The following ANKRD17 variants were observed in gnomAD, a reference collection of about 807,000 sequenced individuals.
ANKRD17 encodes ankyrin repeat domain-containing protein 17.
A neutral mutation model predicts 229.7 loss-of-function variants in ANKRD17; 19 were observed. The observed-to-expected ratio is 0.08, with a 90% CI of 0.06 to 0.12. The LOEUF (loss-of-function observed/expected upper bound fraction) is 0.12. ANKRD17 is among the 10% of genes least tolerant of loss of function. The pLI is 1.00. For synonymous variants in ANKRD17, 1,112 were observed against 1,146.1 expected (o/e 0.97, Z 0.60); for missense variants, 2,176 against 3,176.8 (o/e 0.68, Z 7.57).
At chr4:73,200,580 T>C (rs545463510) in intron 1 of ANKRD17, among the ~76,000 whole-genome samples, 1 of 151,982 alleles carries the variant, frequency 6.6e-6, no homozygotes, top group South Asian at 2.1e-4. Flanking sequence ...GCTTAAAAGA[T>C]TAAAATTAAT....
intron 13 of ANKRD17, 51 bp from the exon 14 acceptor site, chr4:73,141,894 G>A: frequency 7.4e-7 from 1 of 1,345,166 alleles, no homozygotes; most frequent in African/African-American, 1.5e-5. Flanking sequence ...AATCCATTAA[G>A]TAATATGCTC....
chr4:73,258,419 TG>T lies in ANKRD17; in HGVS notation c.249del (p.Ser84AlafsTer84). 1 of 1,610,104 alleles carries T rather than the reference TG, an allele frequency of 6.2e-7. No individual in the cohort carries two copies. On this transcript the variant is annotated frameshift_variant, in exon 1 of 34. Coordinates refer to ENST00000358602, the MANE Select transcript of ANKRD17 (RefSeq NM_032217.5). LOFTEE classifies it high-confidence loss of function. ...KAKRNRTCRPPSSSESSSDSD... is the reference protein window; with the variant it reads ...KAKRNRTCRPXSSSESSSDSD... ...CTGTCGCTGCTGCTTTCGCTGCTGC[TG>T]GGGGGTCGGCAAGTCCGGTTACGCT...
intron 1 of ANKRD17, among the ~76,000 whole-genome samples, chr4:73,240,406 C>T (rs1743907731): frequency 6.6e-6 from 1 of 151,120 alleles, no homozygotes; most frequent in Admixed American, 6.6e-5. Flanking sequence ...GGAGGATCAC[C>T]TGAGCCCAGG....
At chr4:73,257,027 T>C (rs72663030) in intron 1 of ANKRD17, among the ~76,000 whole-genome samples, 5,921 of 152,334 alleles carry the variant, frequency 0.039, 156 homozygotes, top group Non-Finnish European at 0.062. Context: ...ATTCCAATTT[T>C]CGGAAAACCA....
intron 24 of ANKRD17, among the ~76,000 whole-genome samples, chr4:73,106,977 T>C (rs563262455): frequency 6.7e-6 from 1 of 150,046 alleles, no homozygotes; most frequent in East Asian, 2.0e-4. Context: ...CACAGATATG[T>C]ATACAGGTAG....
At chr4:73,168,711 C>T (rs144141611) in intron 2 of ANKRD17, among the ~76,000 whole-genome samples, 1 of 152,350 alleles carries the variant, frequency 6.6e-6, no homozygotes, top group East Asian at 1.9e-4. Flanking sequence ...CCCCTGGCCA[C>T]AGCATTGTCA....
intron 28 of ANKRD17, among the ~76,000 whole-genome samples, chr4:73,092,611 A>G (rs1350589224): frequency 6.6e-6 from 1 of 152,220 alleles, no homozygotes; most frequent in Non-Finnish European, 1.5e-5. Context: ...TTCCTACTGT[A>G]AAATACACTA....
chr4:73,131,895 A>C (rs879390264), intron 16 of ANKRD17, among the ~76,000 whole-genome samples: 1 of 152,202 alleles, frequency 6.6e-6, no homozygotes, highest in African/African-American at 2.4e-5. Context: ...AGAATGTTTA[A>C]TCTTTCAGAA....
At chr4:73,228,006 G>A (rs903357020) in intron 1 of ANKRD17, among the ~76,000 whole-genome samples, 2 of 151,852 alleles carry the variant, frequency 1.3e-5, no homozygotes, top group African/African-American at 4.8e-5. Context: ...GACAACTGGT[G>A]GTAGGAAAAA....
chr4:73,229,568 A>G (rs1244502047), intron 1 of ANKRD17, among the ~76,000 whole-genome samples: 1 of 151,824 alleles, frequency 6.6e-6, no homozygotes, highest in Admixed American at 6.6e-5. Context: ...AAAAAAACAC[A>G]TAAATTCTCC....
intron 2 of ANKRD17, among the ~76,000 whole-genome samples, chr4:73,172,314 T>C (rs547164124): frequency 1.3e-4 from 20 of 152,282 alleles, no homozygotes; most frequent in Admixed American, 1.1e-3. Context: ...TAATAGTACA[T>C]CTGGCAAATA....
intron 17 of ANKRD17, 39 bp downstream of exon 17, chr4:73,125,162 G>A: frequency 6.3e-7 from 1 of 1,588,092 alleles, no homozygotes. Context: ...TAAATTTTTT[G>A]ACCAGTATTC....
At chr4:73,138,671 T>C (rs904106233) in intron 15 of ANKRD17, among the ~76,000 whole-genome samples, 6 of 150,308 alleles carry the variant, frequency 4.0e-5, no homozygotes, top group Admixed American at 2.6e-4. Flanking sequence ...TTTTCTGTTT[T>C]CCTTCCTTTT....
At chr4:73,243,935 G>A (rs1049705962) in intron 1 of ANKRD17, among the ~76,000 whole-genome samples, 7 of 152,090 alleles carry the variant, frequency 4.6e-5, no homozygotes, top group African/African-American at 1.7e-4. Context: ...CCATAGACTG[G>A]GTAGTTTAAA....
chr4:73,174,596 G>A (rs1419223356), intron 2 of ANKRD17, among the ~76,000 whole-genome samples: 1 of 152,060 alleles, frequency 6.6e-6, no homozygotes, highest in Non-Finnish European at 1.5e-5. Context: ...AATCAGACAA[G>A]AGAAACAGAC....
chr4:73,229,530 T>G (rs1164419283), intron 1 of ANKRD17, among the ~76,000 whole-genome samples: 2 of 151,080 alleles, frequency 1.3e-5, no homozygotes, highest in African/African-American at 2.4e-5. Flanking sequence ...TCATCTAACT[T>G]CAAAAAAAAT....
At chr4:73,232,351 C>A (rs200923758) in intron 1 of ANKRD17, among the ~76,000 whole-genome samples, 2 of 152,158 alleles carry the variant, frequency 1.3e-5, no homozygotes, top group Non-Finnish European at 2.9e-5. Context: ...CTTAGTCCAT[C>A]GGATAAAATG....
Position 73,250,589 on chromosome 4 carries a change from C to CAAAAAAAAAAAAAAAAAAAA in ANKRD17, c.393+7667_393+7686dup, listed in dbSNP as rs35160047. On this transcript the variant is annotated intron_variant, in intron 1 of 33. Coordinates refer to ENST00000358602, the MANE Select transcript of ANKRD17 (RefSeq NM_032217.5). ...CACTCCAGCATAGATGACCTTGTCTCAAAAAAAAAAAAAAAAAAAAAAAAA... is the reference window on the plus strand; with the variant it reads ...CACTCCAGCATAGATGACCTTGTCTCAAAAAAAAAAAAAAAAAAAAAAAAAAAAAAAAAAAAAAAAAAAAA... Among the ~76,000 whole-genome samples, 35 of 29,410 alleles carry CAAAAAAAAAAAAAAAAAAAA rather than the reference C, an allele frequency of 1.2e-3. 2 individuals are homozygous for CAAAAAAAAAAAAAAAAAAAA. The highest frequency in any genetic ancestry group is 3.9e-3 in the African/African-American group (23 of 5,942). The allele number at this position is 29,410 out of a possible 152,430, so 19.3% of individuals were successfully genotyped here. A position where few individuals can be genotyped will look rare whatever the true frequency, so the allele number is the denominator to read the frequency against.
At position 73,134,828 on chromosome 4, in the gene ANKRD17, T is replaced by A. The variant is rs546358654; in HGVS notation, c.3234+289A>T. On this transcript the variant is annotated intron_variant, in intron 16 of 33. Transcript: ENST00000358602. Reference sequence around the variant, plus strand: ...TCTATTAATTTATTATTAGAAGAAGTTATGCACTAATCTTAAATAAATTAT... The same window carrying A: ...TCTATTAATTTATTATTAGAAGAAGATATGCACTAATCTTAAATAAATTAT... 1.5e-3 allele frequency among the ~76,000 whole-genome samples: 223 copies of A among 152,306 alleles called. 1 individual carries two copies. In the South Asian group the frequency reaches 0.016, roughly 11 times the overall value.
Sources: gnomAD v4.1 joint callset for allele counts (sites outside exome capture counted in the v4.1 genomes callset) on GRCh38, gnomAD v4.1.1 for gene constraint, MANE v1.5 for transcripts, NCBI Gene and HGNC (gene_info 2026-07-23, HGNC 2026-07-21) for gene names.